SLC22A23: variants seen among roughly 807,000 people sequenced by gnomAD.
SLC22A23 encodes the protein solute carrier family 22 member 23.
In SLC22A23, 26 loss-of-function variants were observed where a neutral mutation model predicts 61.0. That is an observed-to-expected ratio of 0.43 (90% CI 0.31 to 0.59). The LOEUF (loss-of-function observed/expected upper bound fraction) is 0.59, where lower values mean the gene tolerates loss of function less well. Among genes scored for constraint, SLC22A23 ranks in the 20% least tolerant of loss-of-function variants. SLC22A23 has a pLI of 0.11. For synonymous variants in SLC22A23, 430 were observed against 413.9 expected, an observed-to-expected ratio of 1.04 and a Z score of -0.47; for missense variants, 796 against 934.7, an observed-to-expected ratio of 0.85 and a Z score of 1.94.
chr6:3,434,211 G>T (rs1333622855), intron 1 of SLC22A23, among the ~76,000 whole-genome samples: 4 of 152,076 alleles, frequency 2.6e-5, no homozygotes, highest in Non-Finnish European at 5.9e-5. Context: ...TACCTGGGAG[G>T]CTGAGGCAGG....
chr6:3,292,680 G>T (rs965405697), intron 5 of SLC22A23, among the ~76,000 whole-genome samples: 1 of 152,230 alleles, frequency 6.6e-6, no homozygotes, highest in Non-Finnish European at 1.5e-5. Context: ...TGGGTGCTGT[G>T]AGGGGCCCGA....
chr6:3,339,096 C>A (rs1173182883), intron 3 of SLC22A23, among the ~76,000 whole-genome samples: 1 of 152,234 alleles, frequency 6.6e-6, no homozygotes, highest in Admixed American at 6.5e-5. Flanking sequence ...CCAGTCATTT[C>A]TTAAGTGATG....
chr6:3,437,351 C>T (rs1322738962), intron 1 of SLC22A23, among the ~76,000 whole-genome samples: 1 of 152,048 alleles, frequency 6.6e-6, no homozygotes, highest in Non-Finnish European at 1.5e-5. Context: ...ATGGGACTTC[C>T]CAGAAAAATA....
rs937594082 is a variant in SLC22A23, at chr6:3,342,988, T to C, written c.914-18986A>G. Among the ~76,000 whole-genome samples, 1 of 152,144 alleles carries C rather than the reference T, an allele frequency of 6.6e-6. No homozygotes were observed. Among genetic ancestry groups the C allele is most frequent in the African/African-American group, 2.4e-5 (1 of 41,428 alleles). On this transcript the variant is annotated intron_variant, in intron 3 of 9. Transcript: ENST00000406686. The surrounding 1 kb of genome is among the most constrained non-coding windows in gnomAD (Gnocchi z 4.0). ...ACAGAGAAATACACGGGGGAAATAATATAAGAGAAGGTTTGTTTTAGTAAG... is the reference window on the plus strand; with the variant it reads ...ACAGAGAAATACACGGGGGAAATAACATAAGAGAAGGTTTGTTTTAGTAAG...
At chr6:3,451,937 C>T (rs1007512625) in intron 1 of SLC22A23, among the ~76,000 whole-genome samples, 1 of 152,172 alleles carries the variant, frequency 6.6e-6, no homozygotes, top group African/African-American at 2.4e-5. Flanking sequence ...GTGAAAAACA[C>T]GATGGTTGTG....
At chr6:3,437,162 G>A (rs924340855) in intron 1 of SLC22A23, among the ~76,000 whole-genome samples, 10 of 151,940 alleles carry the variant, frequency 6.6e-5, no homozygotes, top group Non-Finnish European at 8.8e-5. Context: ...AGTTATAAAC[G>A]ATGAACAACA....
intron 1 of SLC22A23, among the ~76,000 whole-genome samples, chr6:3,428,261 G>C (rs561239373): frequency 6.6e-6 from 1 of 152,286 alleles, no homozygotes; most frequent in South Asian, 2.1e-4. Flanking sequence ...AGACCTTCCT[G>C]CCCCTCCTCA....
chr6:3,448,960 G>T (rs1387165312), intron 1 of SLC22A23, among the ~76,000 whole-genome samples: 1 of 152,196 alleles, frequency 6.6e-6, no homozygotes, highest in South Asian at 2.1e-4. Context: ...AAGAAGGAAA[G>T]GGAGACCTGT....
In SLC22A23 at chr6:3,309,383, T is replaced by G. The variant is rs1028928473; in HGVS notation, c.1083-11165A>C. Among the ~76,000 whole-genome samples the G allele has an allele frequency of 2.0e-5, 3 of 152,194 alleles. No homozygotes were observed. Among genetic ancestry groups the G allele is most frequent in the African/African-American group, 7.2e-5 (3 of 41,446 alleles). ...CTAATTAAATGCAGAGGTAACTCAGTCCACTCACTGAAAACACAGACTTGC... is the reference window on the plus strand; with the variant it reads ...CTAATTAAATGCAGAGGTAACTCAGGCCACTCACTGAAAACACAGACTTGC... On this transcript the variant is annotated intron_variant, in intron 4 of 9. Transcript: ENST00000406686. This position sits in a 1 kb window ranked among gnomAD's most constrained non-coding sequence, Gnocchi z 4.7.
At chr6:3,338,680 T>A (rs1323234303) in intron 3 of SLC22A23, among the ~76,000 whole-genome samples, 2 of 152,226 alleles carry the variant, frequency 1.3e-5, no homozygotes, top group Non-Finnish European at 2.9e-5. Context: ...AGGAAAACAT[T>A]TTTTCTTCCC....
chr6:3,332,486 A>G (rs1485017579), intron 3 of SLC22A23, among the ~76,000 whole-genome samples: 1 of 152,192 alleles, frequency 6.6e-6, no homozygotes, highest in African/African-American at 2.4e-5. Context: ...ATCTGGATTT[A>G]AAAACACTTT....
intron 5 of SLC22A23, among the ~76,000 whole-genome samples, chr6:3,292,756 G>A (rs904259813): frequency 4.6e-5 from 7 of 152,218 alleles, no homozygotes; most frequent in African/African-American, 7.2e-5. Flanking sequence ...GAAAAGCTAC[G>A]CTGTCCTTGC....
At chr6:3,282,004 G>A (rs1036440020) in intron 9 of SLC22A23, among the ~76,000 whole-genome samples, 2 of 152,126 alleles carry the variant, frequency 1.3e-5, no homozygotes, top group Non-Finnish European at 2.9e-5. Context: ...ATTTCCTTCC[G>A]TCTAGCTTGC....
chr6:3,451,611 G>A (rs1271724873), intron 1 of SLC22A23, among the ~76,000 whole-genome samples: 4 of 152,166 alleles, frequency 2.6e-5, no homozygotes, highest in African/African-American at 9.7e-5. Flanking sequence ...GAGAACTTGG[G>A]CTGCGCAGGG....
chr6:3,439,348 T>G (rs970776723), intron 1 of SLC22A23: 4 of 411,612 alleles, frequency 9.7e-6, no homozygotes, highest in Non-Finnish European at 1.9e-5. Context: ...GCTGGGGTCC[T>G]ACAGGCATTT....
At position 3,387,490 on chromosome 6, in the gene SLC22A23, T is replaced by C. The variant is rs1454214025; in HGVS notation, c.913+22698A>G. ...ACTGTGGAGACACAGCTACATTTAA[T>C]AGAGTGTTCTGGAACAGAAAAAGGA... On this transcript the variant is annotated intron_variant, in intron 3 of 9. Transcript: ENST00000406686. This position sits in a 1 kb window ranked among gnomAD's most constrained non-coding sequence, Gnocchi z 5.0. Among the ~76,000 whole-genome samples the C allele has an allele frequency of 6.6e-6, 1 of 152,186 alleles. No homozygotes were observed. The highest frequency in any genetic ancestry group is 2.4e-5 in the African/African-American group (1 of 41,444).
At chr6:3,361,614 A>C (rs1765453846) in intron 3 of SLC22A23, among the ~76,000 whole-genome samples, 1 of 152,258 alleles carries the variant, frequency 6.6e-6, no homozygotes, top group Admixed American at 6.5e-5. Context: ...GGCTGGGCCC[A>C]TGAGTCTCTC....
chr6:3,415,479 T>C (rs1225447755), intron 2 of SLC22A23, among the ~76,000 whole-genome samples: 1 of 152,222 alleles, frequency 6.6e-6, no homozygotes, highest in Non-Finnish European at 1.5e-5. Flanking sequence ...TAATGAAACG[T>C]CAAAGGTTAG....
intron 8 of SLC22A23, 102 bp downstream of exon 8, chr6:3,284,977 A>G: frequency 6.4e-7 from 1 of 1,555,108 alleles, no homozygotes; most frequent in African/African-American, 1.4e-5. Flanking sequence ...GGCAACGGGG[A>G]GAAAGAGAAA....
Sources: allele counts gnomAD v4.1 joint callset (sites outside exome capture counted in the v4.1 genomes callset), GRCh38; gene constraint gnomAD v4.1.1; non-coding constraint Gnocchi (gnomAD v3.1); transcripts MANE v1.5; gene names NCBI Gene and HGNC (gene_info 2026-07-23, HGNC 2026-07-21).